The following DPY19L4 variants were observed in gnomAD, a reference collection of about 807,000 sequenced individuals.
The protein encoded by DPY19L4 is dpy-19 like 4, also known as probable C-mannosyltransferase DPY19L4.
In DPY19L4, 97 loss-of-function variants were observed where a neutral mutation model predicts 102.8. That is an observed-to-expected ratio of 0.94 (90% CI 0.80 to 1.12). The LOEUF (loss-of-function observed/expected upper bound fraction) is 1.12. Ranked by LOEUF, DPY19L4 falls within the 50% of genes most tolerant of loss-of-function variation. The pLI, the probability that DPY19L4 is intolerant of heterozygous loss-of-function variation, is 0.00. For missense variants in DPY19L4, 815 were observed against 850.4 expected (o/e 0.96, Z 0.52); for synonymous variants, 252 against 283.1 (o/e 0.89, Z 1.10).
At position 94,729,837 on chromosome 8, in the gene DPY19L4, CA is replaced by C. The variant is rs1308602337; in HGVS notation, c.127+3399del. Among the ~76,000 whole-genome samples the C allele has an allele frequency of 2.6e-5, 4 of 151,470 alleles. No homozygotes were observed. In the East Asian group the frequency reaches 7.8e-4, roughly 29 times the overall value. On this transcript the variant is annotated intron_variant, in intron 2 of 18. Transcript: ENST00000414645. The stretch of plus-strand genomic sequence containing the variant: ...TGCAGCAAGACTCTGTCTCAAAAAA[CA>C]AACAAACAAAAAAGTTAAAAAATTT...
At chr8:94,750,994 T>C (rs896412513) in intron 6 of DPY19L4, among the ~76,000 whole-genome samples, 3 of 152,118 alleles carry the variant, frequency 2.0e-5, no homozygotes, top group Admixed American at 2.0e-4. Flanking sequence ...TTGGCCAGGC[T>C]GGTCTCAAAC....
At chr8:94,766,864 C>A (rs2130891699) in intron 11 of DPY19L4, among the ~76,000 whole-genome samples, 179 bp downstream of exon 11, 1 of 151,682 alleles carries the variant, frequency 6.6e-6, no homozygotes, top group African/African-American at 2.4e-5. Context: ...GGCAACATGG[C>A]AAAACCCCAT....
At chr8:94,779,217 A>AT (rs1214275834) in intron 14 of DPY19L4, among the ~76,000 whole-genome samples, 2 of 56,016 alleles carry the variant, frequency 3.6e-5, no homozygotes, top group East Asian at 2.0e-3. Flanking sequence ...TGTTTTATAG[A>AT]TTAAAAAAAA....
At chr8:94,764,177 A>G (rs574031280) in intron 8 of DPY19L4, among the ~76,000 whole-genome samples, 2 of 152,284 alleles carry the variant, frequency 1.3e-5, no homozygotes, top group South Asian at 4.1e-4. Flanking sequence ...GCATAGATGA[A>G]TTTTAATAAC....
At position 94,722,491 on chromosome 8, in the gene DPY19L4, G is replaced by T. The variant is rs191397432; in HGVS notation, c.16+2477G>T. On this transcript the variant is annotated intron_variant, in intron 1 of 18. Coordinates refer to ENST00000414645, the MANE Select transcript of DPY19L4 (RefSeq NM_181787.3). ...AAGCAGTTAAATACATCTTACATGG[G>T]ACAATTAATGGGTTGTAATTTATTA... Among the ~76,000 whole-genome samples, 781 of 152,206 alleles carry T rather than the reference G, an allele frequency of 5.1e-3. 37 individuals are homozygous for T. Among genetic ancestry groups the T allele is most frequent in the Admixed American group, 0.045 (685 of 15,272 alleles).
chr8:94,779,560 C>T (rs914586114), intron 14 of DPY19L4, among the ~76,000 whole-genome samples: 14 of 151,686 alleles, frequency 9.2e-5, no homozygotes, highest in African/African-American at 3.4e-4. Context: ...AACTCCTGGA[C>T]TCAAGCAATC....
At position 94,750,147 on chromosome 8, in the gene DPY19L4, G is replaced by T. The variant is rs374369214; in HGVS notation, c.612-5889G>T. On this transcript the variant is annotated intron_variant, in intron 6 of 18. Coordinates refer to ENST00000414645, the MANE Select transcript of DPY19L4 (RefSeq NM_181787.3). Reference sequence around the variant, plus strand: ...ATTTTTGTATTTTTAGTAGAGATGGGGTTTCATCATGTTGGCCAGGCTGGT... The same window carrying T: ...ATTTTTGTATTTTTAGTAGAGATGGTGTTTCATCATGTTGGCCAGGCTGGT... 6.2e-4 allele frequency among the ~76,000 whole-genome samples: 94 copies of T among 152,174 alleles called. 2 individuals are homozygous for T. The highest frequency in any genetic ancestry group is 2.2e-3 in the African/African-American group (92 of 41,518).
chr8:94,730,365 G>A (rs1037266888), intron 2 of DPY19L4, among the ~76,000 whole-genome samples: 1 of 152,072 alleles, frequency 6.6e-6, no homozygotes, highest in African/African-American at 2.4e-5. Flanking sequence ...AGGAACCAGA[G>A]CTCCTTATTT....
chr8:94,762,496 T>C (rs1435423497), intron 8 of DPY19L4, among the ~76,000 whole-genome samples: 1 of 152,098 alleles, frequency 6.6e-6, no homozygotes, highest in African/African-American at 2.4e-5. Flanking sequence ...AAATGTAGAT[T>C]GCAGAGTCCC....
chr8:94,768,472 A>G lies in DPY19L4; in HGVS notation c.1253A>G (p.Gln418Arg), dbSNP rs769367424. 1.9e-6 allele frequency: 3 copies of G among 1,604,274 alleles called. No individual in the cohort carries two copies. Among genetic ancestry groups the G allele is most frequent in the Non-Finnish European group, 2.6e-6 (3 of 1,173,664 alleles). The change falls in exon 12 of 19, where the codon CAG becomes CGG. Residue 418 changes from glutamine (Q) to arginine (R), a missense_variant. By Grantham distance (43) the Gln-to-Arg change is conservative. Transcript: ENST00000414645. ...CAAGATTTTTTTCTGCGATTGACAC[A>G]GTCTTCTTTATTACCTTTCTACATT... ...PSQDFFLRLT[Q>R]SSLLPFYILV...
chr8:94,781,032 A>G (rs1001996805), intron 15 of DPY19L4, 52 bp from the exon 16 acceptor site: 33 of 1,446,242 alleles, frequency 2.3e-5, no homozygotes, highest in Non-Finnish European at 3.0e-5. Flanking sequence ...AAACTTTCTA[A>G]TTACTGACAT....
chr8:94,726,059 G>T (rs1336244570), intron 1 of DPY19L4, among the ~76,000 whole-genome samples: 1 of 152,164 alleles, frequency 6.6e-6, no homozygotes, highest in Non-Finnish European at 1.5e-5. Context: ...CTTATTTTGG[G>T]ATGTTTTGAA....
chr8:94,732,230 A>C (rs936352202), intron 2 of DPY19L4, among the ~76,000 whole-genome samples: 2 of 152,238 alleles, frequency 1.3e-5, no homozygotes, highest in Non-Finnish European at 2.9e-5. Flanking sequence ...TTAGCTAAAA[A>C]AAAATCAACA....
intron 2 of DPY19L4, among the ~76,000 whole-genome samples, chr8:94,731,507 C>G (rs1220423225): frequency 6.6e-6 from 1 of 152,070 alleles, no homozygotes; most frequent in African/African-American, 2.4e-5. Context: ...ACCTCCACCT[C>G]CCGGGTTCAA....
chr8:94,731,820 C>T (rs1213381073), intron 2 of DPY19L4, among the ~76,000 whole-genome samples: 2 of 152,070 alleles, frequency 1.3e-5, no homozygotes, highest in East Asian at 1.9e-4. Context: ...GGTGCGATCT[C>T]GGCTCGCTGC....
Position 94,781,074 on chromosome 8 carries a change from T to C in DPY19L4, c.1633-10T>C. The C allele has an allele frequency of 6.5e-7, 1 of 1,536,986 alleles. No homozygotes were observed. Reference sequence around the variant, plus strand: ...TTTGGGGATTTTTTTTTTTTTTTTTTGCATTTTAGTTTTTTCCCAGATTAA... The same window carrying C: ...TTTGGGGATTTTTTTTTTTTTTTTTCGCATTTTAGTTTTTTCCCAGATTAA... On this transcript the variant is annotated splice_polypyrimidine_tract_variant and intron_variant, in intron 15 of 18. Coordinates refer to ENST00000414645, the MANE Select transcript of DPY19L4 (RefSeq NM_181787.3).
chr8:94,730,166 C>A (rs12176630), intron 2 of DPY19L4, among the ~76,000 whole-genome samples: 7,973 of 151,242 alleles, frequency 0.053, 275 homozygotes, highest in East Asian at 0.14. Context: ...TAACTGTGTT[C>A]TATATTCTGA....
chr8:94,783,048 G>C (rs1254953872), intron 16 of DPY19L4, among the ~76,000 whole-genome samples: 2 of 150,832 alleles, frequency 1.3e-5, no homozygotes, highest in Non-Finnish European at 2.9e-5. Flanking sequence ...GGCGCATAGA[G>C]GTGGGTGCTT....
intron 8 of DPY19L4, among the ~76,000 whole-genome samples, chr8:94,764,315 G>T (rs538514468): frequency 1.3e-5 from 2 of 152,092 alleles, no homozygotes; most frequent in Admixed American, 6.5e-5. Flanking sequence ...TGTGGCTCAC[G>T]CCTGTAATCC....
Sources: gnomAD v4.1 joint callset for allele counts (sites outside exome capture counted in the v4.1 genomes callset) on GRCh38, gnomAD v4.1.1 for gene constraint, MANE v1.5 for transcripts, NCBI Gene and HGNC (gene_info 2026-07-23, HGNC 2026-07-21) for gene names.